Variants in DDC observed in about 807,000 individuals in gnomAD.
DDC encodes the protein dopa decarboxylase, also known as aromatic-L-amino-acid decarboxylase.
A neutral mutation model predicts 60.0 loss-of-function variants in DDC; 43 were observed. That is an observed-to-expected ratio of 0.72 (90% confidence interval 0.56 to 0.92). DDC has a LOEUF of 0.92. Ranked by LOEUF, DDC falls within the 40% of genes least tolerant of loss-of-function variation. DDC has a pLI of 0.00. For synonymous variants in DDC, 232 were observed against 234.6 expected (o/e 0.99, Z 0.10); for missense variants, 573 against 620.2 (o/e 0.92, Z 0.81).
intron 8 of DDC, among the ~76,000 whole-genome samples, chr7:50,497,715 C>T (rs769892819): frequency 2.0e-5 from 3 of 152,126 alleles, no homozygotes; most frequent in Admixed American, 6.5e-5. Flanking sequence ...CTCTCCAGTG[C>T]GTACATAGGT....
At chr7:50,510,941 A>C (rs1165141926) in intron 6 of DDC, among the ~76,000 whole-genome samples, 2 of 139,760 alleles carry the variant, frequency 1.4e-5, no homozygotes, top group Non-Finnish European at 3.0e-5. Flanking sequence ...AGATAGCGCC[A>C]CTGCACTCCG....
At chr7:50,462,577 T>C (rs1366505564) in intron 14 of DDC, among the ~76,000 whole-genome samples, 3 of 152,192 alleles carry the variant, frequency 2.0e-5, no homozygotes, top group Non-Finnish European at 4.4e-5. Context: ...ATTAGTTCTC[T>C]AAAGGTCACC....
intron 13 of DDC, among the ~76,000 whole-genome samples, chr7:50,466,487 C>T (rs1199891583): frequency 4.4e-5 from 2 of 45,764 alleles, no homozygotes; most frequent in Non-Finnish European, 8.9e-5. Flanking sequence ...ACTCTGTCTC[C>T]AAAAAGAAAA....
chr7:50,537,149 C>T (rs2153548260), intron 4 of DDC, among the ~76,000 whole-genome samples: 1 of 151,734 alleles, frequency 6.6e-6, no homozygotes, highest in Admixed American at 6.6e-5. Context: ...TATCTTGTTC[C>T]CTGGTGTAAG....
chr7:50,525,995 G>A lies in DDC; in HGVS notation c.714+2142C>T, dbSNP rs1224451454. 5.3e-5 allele frequency among the ~76,000 whole-genome samples: 8 copies of A among 152,010 alleles called. No individual in the cohort carries two copies. In the South Asian group the frequency reaches 1.5e-3, roughly 28 times the overall value. On this transcript the variant is annotated intron_variant, in intron 6 of 14. Transcript: ENST00000444124. ...ATACATAATCAGAGTCCCAGAATGGGAGGAGAGAGGAAATGAGGAGAGGCA... is the reference window on the plus strand; with the variant it reads ...ATACATAATCAGAGTCCCAGAATGGAAGGAGAGAGGAAATGAGGAGAGGCA...
At chr7:50,516,247 T>C (rs2043725715) in intron 6 of DDC, among the ~76,000 whole-genome samples, 1 of 152,114 alleles carries the variant, frequency 6.6e-6, no homozygotes, top group African/African-American at 2.4e-5. Context: ...CACAGTGGAA[T>C]AAAACTGGAA....
At chr7:50,550,023 A>G (rs762023164) in intron 1 of DDC, among the ~76,000 whole-genome samples, 28 of 152,264 alleles carry the variant, frequency 1.8e-4, no homozygotes, top group Non-Finnish European at 3.8e-4. Flanking sequence ...AAGATTTAAG[A>G]GAACTGACTC....
chr7:50,527,367 C>T (rs1422261172), intron 6 of DDC, among the ~76,000 whole-genome samples: 1 of 151,934 alleles, frequency 6.6e-6, no homozygotes, highest in East Asian at 1.9e-4. Context: ...TTTATTTTTC[C>T]CTAGACAGAG....
At chr7:50,562,167 C>T (rs1469183052) in intron 1 of DDC, among the ~76,000 whole-genome samples, 1 of 152,224 alleles carries the variant, frequency 6.6e-6, no homozygotes, top group Non-Finnish European at 1.5e-5. Flanking sequence ...GGGACAGAGG[C>T]AGCGGCCTTC....
intron 1 of DDC, among the ~76,000 whole-genome samples, chr7:50,547,766 A>G (rs1004057241): frequency 6.6e-6 from 1 of 152,242 alleles, no homozygotes; most frequent in African/African-American, 2.4e-5. Flanking sequence ...AACAGCATGT[A>G]TTAGCTGTAC....
intron 14 of DDC, 87 bp downstream of exon 14, chr7:50,463,126 T>C (rs1287303565): frequency 5.6e-6 from 6 of 1,063,922 alleles, no homozygotes; most frequent in Non-Finnish European, 8.4e-6. Flanking sequence ...GTGGCCGGGC[T>C]GGGCCTGTAG....
At chr7:50,496,649 G>C (rs2043133370) in intron 8 of DDC, among the ~76,000 whole-genome samples, 1 of 152,198 alleles carries the variant, frequency 6.6e-6, no homozygotes, top group Admixed American at 6.5e-5. Flanking sequence ...CTGGTGAACA[G>C]GAACAGGGTC....
At chr7:50,477,720 A>G in intron 10 of DDC, 2 of 328,184 alleles carry the variant, frequency 6.1e-6, no homozygotes, top group South Asian at 4.5e-5. Flanking sequence ...CCTGAGATGG[A>G]AGCCCAAAGT....
chr7:50,464,802 C>T (rs2042358716), intron 13 of DDC, among the ~76,000 whole-genome samples: 1 of 152,126 alleles, frequency 6.6e-6, no homozygotes, highest in African/African-American at 2.4e-5. Context: ...TAGTAAAGAG[C>T]CACATGACAC....
At chr7:50,523,737 T>C (rs2043962147) in intron 6 of DDC, among the ~76,000 whole-genome samples, 1 of 152,176 alleles carries the variant, frequency 6.6e-6, no homozygotes, top group Non-Finnish European at 1.5e-5. Flanking sequence ...AATGGTACAG[T>C]CTCTTTGAAA....
chr7:50,514,310 G>T (rs2043668171), intron 6 of DDC, among the ~76,000 whole-genome samples: 1 of 152,110 alleles, frequency 6.6e-6, no homozygotes, highest in Non-Finnish European at 1.5e-5. Context: ...CACCCTGTGG[G>T]ACAAAAGAAT....
intron 1 of DDC, among the ~76,000 whole-genome samples, chr7:50,546,499 T>C (rs2044810948): frequency 6.6e-6 from 1 of 152,188 alleles, no homozygotes; most frequent in Non-Finnish European, 1.5e-5. Flanking sequence ...TGAGCCTGAT[T>C]GGACATCAAA....
At chr7:50,529,564 T>A (rs933070377) in intron 4 of DDC, among the ~76,000 whole-genome samples, 6 of 152,214 alleles carry the variant, frequency 3.9e-5, no homozygotes, top group African/African-American at 1.4e-4. Flanking sequence ...GTCTATTTTG[T>A]GTAACAGCAG....
At chr7:50,483,990 A>G (rs2042827639) in intron 9 of DDC, among the ~76,000 whole-genome samples, 1 of 151,748 alleles carries the variant, frequency 6.6e-6, no homozygotes, top group Non-Finnish European at 1.5e-5. Flanking sequence ...AAGATTTTTC[A>G]GGTTTTCTAT....
Sources: allele counts gnomAD v4.1 joint callset (sites outside exome capture counted in the v4.1 genomes callset), GRCh38; gene constraint gnomAD v4.1.1; transcripts MANE v1.5; gene names NCBI Gene and HGNC (gene_info 2026-07-23, HGNC 2026-07-21).